The following ARHGAP26 variants were observed in gnomAD, a reference collection of about 807,000 sequenced individuals.
ARHGAP26 encodes rho GTPase-activating protein 26.
In ARHGAP26, 38 loss-of-function variants were observed where a neutral mutation model predicts 104.8. The ratio of observed to expected loss-of-function variants is 0.36; its 90% CI spans 0.28 to 0.48. ARHGAP26 has a LOEUF of 0.48. ARHGAP26 is among the 20% of genes least tolerant of loss of function. The pLI is 0.99. For missense variants in ARHGAP26, 704 were observed against 947.9 expected, an observed-to-expected ratio of 0.74 and a Z score of 3.38; for synonymous variants, 341 against 340.0, an observed-to-expected ratio of 1.00 and a Z score of -0.03.
At chr5:143,154,706 T>C (rs1381147458) in intron 20 of ARHGAP26, among the ~76,000 whole-genome samples, 1 of 152,076 alleles carries the variant, frequency 6.6e-6, no homozygotes, top group Non-Finnish European at 1.5e-5. Context: ...CCAGCTAGGG[T>C]AGACACGCCA....
At chr5:142,912,228 A>G (rs1761928370) in intron 9 of ARHGAP26, among the ~76,000 whole-genome samples, 2 of 152,262 alleles carry the variant, frequency 1.3e-5, no homozygotes, top group African/African-American at 4.8e-5. Context: ...ACTCAACAAT[A>G]AAGAGAAATA....
intron 1 of ARHGAP26, among the ~76,000 whole-genome samples, chr5:142,782,879 T>C (rs1048811601): frequency 6.6e-6 from 1 of 152,200 alleles, no homozygotes; most frequent in Non-Finnish European, 1.5e-5. Context: ...CCTTGTAAGA[T>C]AGTGGTTCTT....
intron 1 of ARHGAP26, among the ~76,000 whole-genome samples, chr5:142,790,575 C>T (rs760879231): frequency 6.6e-6 from 1 of 152,156 alleles, no homozygotes; most frequent in Admixed American, 6.5e-5. Flanking sequence ...ATTCGTCATA[C>T]AGTTCGGACA....
At chr5:142,915,019 A>C (rs1430607616) in intron 10 of ARHGAP26, among the ~76,000 whole-genome samples, 1 of 152,202 alleles carries the variant, frequency 6.6e-6, no homozygotes, top group Non-Finnish European at 1.5e-5. Flanking sequence ...ATTGGAAACA[A>C]GCCCAAATTT....
At chr5:142,932,941 A>G (rs1005606984) in intron 11 of ARHGAP26, among the ~76,000 whole-genome samples, 1 of 152,254 alleles carries the variant, frequency 6.6e-6, no homozygotes, top group African/African-American at 2.4e-5. Context: ...GACGTAGTCA[A>G]CTAGGCATAA....
At chr5:143,064,530 A>T (rs1277171734) in intron 17 of ARHGAP26, among the ~76,000 whole-genome samples, 1 of 151,770 alleles carries the variant, frequency 6.6e-6, no homozygotes, top group Non-Finnish European at 1.5e-5. Flanking sequence ...TTTTTTTAAG[A>T]CTAAGAATGG....
rs531129626 is a variant in ARHGAP26, at chr5:143,142,783, A to G, written c.1838-4448A>G. ...TGCACTCATCACTTTTTATTGCAAA[A>G]TTCATTAAGCTGCTGTGCTATTATC... is the stretch of plus-strand genomic sequence containing the variant. On this transcript the variant is annotated intron_variant, in intron 19 of 22. Coordinates refer to ENST00000645722, the MANE Select transcript of ARHGAP26 (RefSeq NM_001135608.3). Among the ~76,000 whole-genome samples, 10 of 152,292 alleles carry G rather than the reference A, an allele frequency of 6.6e-5. 1 individual carries two copies. The South Asian group carries it at 2.1e-3, about 32-fold the overall frequency.
chr5:143,157,474 G>T (rs752675444), intron 20 of ARHGAP26, among the ~76,000 whole-genome samples: 1 of 152,130 alleles, frequency 6.6e-6, no homozygotes, highest in Non-Finnish European at 1.5e-5. Context: ...CACCATGCCT[G>T]GCCAGTTCAA....
At chr5:142,850,863 G>C (rs947903083) in intron 1 of ARHGAP26, among the ~76,000 whole-genome samples, 2 of 152,316 alleles carry the variant, frequency 1.3e-5, no homozygotes, top group Admixed American at 6.5e-5. Context: ...TAAAGAGAAA[G>C]GATTTTAAGA....
intron 20 of ARHGAP26, among the ~76,000 whole-genome samples, chr5:143,160,226 A>AT (rs1288188281): frequency 5.9e-5 from 9 of 151,356 alleles, no homozygotes; most frequent in Admixed American, 2.6e-4. Context: ...CACCTTGCTA[A>AT]TTTTTTTTAT....
At chr5:143,108,841 A>G (rs1794407195) in intron 17 of ARHGAP26, among the ~76,000 whole-genome samples, 3 of 152,226 alleles carry the variant, frequency 2.0e-5, no homozygotes, top group Non-Finnish European at 1.5e-5. Context: ...GGTCATGTCC[A>G]TAGAAGCTGC....
chr5:143,020,740 G>T (rs1032304239), intron 12 of ARHGAP26, among the ~76,000 whole-genome samples: 4 of 142,304 alleles, frequency 2.8e-5, no homozygotes, highest in African/African-American at 1.0e-4. Context: ...CCGGGTTCAC[G>T]CCATTCTCCT....
At chr5:142,809,345 A>T (rs1272717333) in intron 1 of ARHGAP26, among the ~76,000 whole-genome samples, 1 of 152,236 alleles carries the variant, frequency 6.6e-6, no homozygotes, top group African/African-American at 2.4e-5. Context: ...CCAAGAGAGA[A>T]GCCAGGATGT....
At chr5:143,032,617 A>G (rs1265246592) in intron 12 of ARHGAP26, among the ~76,000 whole-genome samples, 6 of 152,100 alleles carry the variant, frequency 3.9e-5, no homozygotes, top group Non-Finnish European at 4.4e-5. Context: ...TTTTAGTGGG[A>G]ATTTGCTTTT....
At chr5:142,908,147 G>T (rs188673614) in intron 9 of ARHGAP26, among the ~76,000 whole-genome samples, 42 of 152,276 alleles carry the variant, frequency 2.8e-4, no homozygotes, top group African/African-American at 9.1e-4. Flanking sequence ...ACTCCCACTT[G>T]ATACCTGGAG....
Position 143,133,414 on chromosome 5 carries a change from C to T in ARHGAP26, c.1699-553C>T, listed in dbSNP as rs77186330. On this transcript the variant is annotated intron_variant, in intron 18 of 22. Transcript: ENST00000645722. Reference sequence around the variant, plus strand: ...GAAAAGCTCAGCATCACAGATAACACGGAGCTGCTGAACTAGAAAAGGATG... The same window carrying T: ...GAAAAGCTCAGCATCACAGATAACATGGAGCTGCTGAACTAGAAAAGGATG... Among the ~76,000 whole-genome samples the T allele has an allele frequency of 5.4e-3, 827 of 152,182 alleles. 17 individuals are homozygous for T. The highest frequency in any genetic ancestry group is 0.051 in the South Asian group (244 of 4,816).
At chr5:142,992,042 A>G (rs1416352792) in intron 11 of ARHGAP26, among the ~76,000 whole-genome samples, 1 of 102,026 alleles carries the variant, frequency 9.8e-6, no homozygotes. Flanking sequence ...ACATATTATC[A>G]TTGTTATAAT....
chr5:142,932,011 A>C, intron 10 of ARHGAP26, 36 bp from the exon 11 acceptor site: 1 of 1,593,780 alleles, frequency 6.3e-7, no homozygotes, highest in South Asian at 1.1e-5. Flanking sequence ...TACATGTGGC[A>C]CTGGTTTCAT....
intron 17 of ARHGAP26, among the ~76,000 whole-genome samples, chr5:143,114,900 G>T (rs73288134): frequency 6.6e-6 from 1 of 152,134 alleles, no homozygotes; most frequent in Non-Finnish European, 1.5e-5. Flanking sequence ...TTTGTATGGT[G>T]GGGGAGAACT....
Sources: allele counts gnomAD v4.1 joint callset (sites outside exome capture counted in the v4.1 genomes callset), GRCh38; gene constraint gnomAD v4.1.1; transcripts MANE v1.5; gene names NCBI Gene and HGNC (gene_info 2026-07-23, HGNC 2026-07-21).